Variants in TAF4 observed in about 807,000 individuals in gnomAD.
TAF4 encodes TATA-box binding protein associated factor 4.
In TAF4, 9 loss-of-function variants were observed where a neutral mutation model predicts 90.3. The ratio of observed to expected loss-of-function variants is 0.10; its 90% CI spans 0.06 to 0.17. The LOEUF (loss-of-function observed/expected upper bound fraction) is 0.17, where lower values mean the gene tolerates loss of function less well. Ranked by LOEUF, TAF4 falls within the 10% of genes least tolerant of loss-of-function variation. The pLI, the probability that TAF4 is intolerant of heterozygous loss-of-function variation, is 1.00. For synonymous variants in TAF4, 818 were observed against 638.9 expected, an observed-to-expected ratio of 1.28 and a Z score of -4.23; for missense variants, 1,351 against 1,370.7, an observed-to-expected ratio of 0.99 and a Z score of 0.23.
chr20:62,013,851 C>T (rs892858989), intron 2 of TAF4, among the ~76,000 whole-genome samples: 5 of 151,862 alleles, frequency 3.3e-5, no homozygotes, highest in African/African-American at 4.8e-5. Flanking sequence ...AGTCAGAATC[C>T]GTGCTCCCTA....
rs748709265 is a variant in TAF4, at chr20:62,010,121, C to T, written c.1686G>A (p.Gly562=). The change falls in exon 4 of 15, where the codon GGG becomes GGA. Residue 562 remains glycine, a synonymous_variant. Transcript: ENST00000252996. The surrounding 1 kb of genome is among the most constrained non-coding windows in gnomAD (Gnocchi z 4.5). ...TCCCCGTCTGAACAGCCGTCGCCGT[C>T]CCAAGTGAAGCCGTCTGGGCAGCGC... ...LGGAAQTASL[G]TATAVQTGTP... 2 of 1,613,982 alleles carry T rather than the reference C, an allele frequency of 1.2e-6. No homozygotes were observed. The highest frequency in any genetic ancestry group is 1.7e-6 in the Non-Finnish European group (2 of 1,180,038).
At chr20:62,001,271 G>C (rs2055700532) in intron 9 of TAF4, among the ~76,000 whole-genome samples, 1 of 152,080 alleles carries the variant, frequency 6.6e-6, no homozygotes, top group South Asian at 2.1e-4. Context: ...CTCCCCCGTA[G>C]GACCCGGTCC....
rs760744623 is a variant in TAF4, at chr20:61,976,333, C to A, written c.3093G>T (p.Gly1031=). 9.3e-6 allele frequency: 15 copies of A among 1,613,024 alleles called. No homozygotes were observed. Among genetic ancestry groups the A allele is most frequent in the Non-Finnish European group, 1.1e-5 (13 of 1,179,996 alleles). Residue 1031 remains glycine (G), a splice_region_variant and synonymous_variant, in exon 15 of 15, where the codon GGG becomes GGT. Transcript: ENST00000252996. The part of the protein sequence containing the change: ...DCPGPGSGAE[G]SGPGSVVPGS... Reference sequence around the variant, plus strand: ...CTGGGACCACTGAGCCGGGGCCCGACCCCTGGTGATGAAAAAGGAGAAGAC... The same window carrying A: ...CTGGGACCACTGAGCCGGGGCCCGAACCCTGGTGATGAAAAAGGAGAAGAC...
At chr20:61,989,172 C>A (rs1337120566) in intron 14 of TAF4, among the ~76,000 whole-genome samples, 1 of 152,074 alleles carries the variant, frequency 6.6e-6, no homozygotes, top group East Asian at 1.9e-4. Flanking sequence ...AGGGCGCACA[C>A]CACACACTCC....
intron 1 of TAF4, among the ~76,000 whole-genome samples, chr20:62,030,225 G>A (rs1344317923): frequency 6.6e-6 from 1 of 152,224 alleles, no homozygotes; most frequent in African/African-American, 2.4e-5. Context: ...CAGGAAACTG[G>A]ACACCTGCAT....
At chr20:62,047,862 C>T (rs1182459886) in intron 1 of TAF4, among the ~76,000 whole-genome samples, 2 of 152,202 alleles carry the variant, frequency 1.3e-5, no homozygotes, top group Non-Finnish European at 2.9e-5. Flanking sequence ...CCATGGAAGC[C>T]GCAGGTCTAT....
At position 62,064,651 on chromosome 20, in the gene TAF4, G is replaced by T. The variant is rs776282935; in HGVS notation, c.1160C>A (p.Ala387Asp). Residue 387 changes from alanine (A) to aspartate (D), a missense_variant, in exon 1 of 15, where the codon GCC becomes GAC. By Grantham distance (126) the Ala-to-Asp change is moderately radical (BLOSUM62 -2). This residue lies in a region of TAF4 where 782 missense variants were observed against 536.6 expected (regional missense o/e 1.46). Coordinates refer to ENST00000252996, the MANE Select transcript of TAF4 (RefSeq NM_003185.4). The stretch of plus-strand genomic sequence containing the variant: ...CCCGGGGGCGGGCGGCGGGACGGCG[G>T]CCGGGCTGGGCAGCGCCCCTTGCAT... The part of the protein sequence containing the change: ...PTMQGALPSP[A>D]AVPPPAPGTP... The T allele has an allele frequency of 1.5e-6, 2 of 1,316,464 alleles. No homozygotes were observed. The highest frequency in any genetic ancestry group is 1.9e-6 in the Non-Finnish European group (2 of 1,039,920). 81.5% of individuals were successfully genotyped at this position (1,316,464 alleles called of 1,614,324 possible). A position where few individuals can be genotyped will look rare whatever the true frequency, so the allele number is the denominator to read the frequency against.
chr20:62,036,038 A>ATTTTT, intron 1 of TAF4, among the ~76,000 whole-genome samples: 2 of 150,010 alleles, frequency 1.3e-5, no homozygotes, highest in East Asian at 3.9e-4. Context: ...TTTTTTTAAA[A>ATTTTT]AAAAAAAAGA....
At chr20:62,030,911 A>G (rs961569991) in intron 1 of TAF4, among the ~76,000 whole-genome samples, 4 of 151,986 alleles carry the variant, frequency 2.6e-5, no homozygotes, top group African/African-American at 9.7e-5. Context: ...GGCCTCCTTC[A>G]CCTCTTCTCA....
At chr20:62,009,811 T>C (rs1048612490) in intron 4 of TAF4, among the ~76,000 whole-genome samples, 3 of 152,104 alleles carry the variant, frequency 2.0e-5, no homozygotes, top group African/African-American at 4.8e-5. Flanking sequence ...CAAAGGCAGG[T>C]GTTTGGGCTT....
intron 1 of TAF4, among the ~76,000 whole-genome samples, chr20:62,032,809 C>T (rs1437112287): frequency 6.6e-6 from 1 of 152,166 alleles, no homozygotes; most frequent in Non-Finnish European, 1.5e-5. Context: ...CCAACCAGCA[C>T]ACACTGGGCA....
chr20:62,007,110 A>T (rs923245651), intron 6 of TAF4: 1 of 273,648 alleles, frequency 3.7e-6, no homozygotes, highest in African/African-American at 2.2e-5. Flanking sequence ...AAATATCCTG[A>T]TTCTATCTAT....
intron 1 of TAF4, among the ~76,000 whole-genome samples, chr20:62,054,524 G>A (rs2056049630): frequency 6.6e-6 from 1 of 152,122 alleles, no homozygotes; most frequent in South Asian, 2.1e-4. Flanking sequence ...ACCACATAAG[G>A]CTCTCAGCAA....
intron 1 of TAF4, among the ~76,000 whole-genome samples, chr20:62,043,587 C>T (rs1332928063): frequency 1.3e-5 from 2 of 152,172 alleles, no homozygotes; most frequent in Admixed American, 1.3e-4. Flanking sequence ...CCTGCAAGCG[C>T]CATTCATGGT....
At chr20:62,019,665 C>A (rs1023522354) in intron 1 of TAF4, among the ~76,000 whole-genome samples, 1 of 152,188 alleles carries the variant, frequency 6.6e-6, no homozygotes, top group East Asian at 1.9e-4. Context: ...AGTGCCTCCC[C>A]CAGAGCCTTC....
chr20:62,051,240 C>G (rs541608452), intron 1 of TAF4, among the ~76,000 whole-genome samples: 1 of 152,286 alleles, frequency 6.6e-6, no homozygotes, highest in Admixed American at 6.5e-5. Context: ...GAGGCCCCGG[C>G]CTGCGCCCCA....
chr20:62,048,606 G>A (rs371867893), intron 1 of TAF4, among the ~76,000 whole-genome samples: 3 of 152,000 alleles, frequency 2.0e-5, no homozygotes, highest in Non-Finnish European at 4.4e-5. Context: ...GCCCACCTCC[G>A]TCACCAGGCT....
At position 62,011,826 on chromosome 20, in the gene TAF4, G is replaced by A. The variant is rs28382060; in HGVS notation, c.1641+989C>T. On this transcript the variant is annotated intron_variant, in intron 3 of 14. Coordinates refer to ENST00000252996, the MANE Select transcript of TAF4 (RefSeq NM_003185.4). ...TCATGGCAGGTGCTTCACCAGCAGC[G>A]ACCAACACCATAGAGACCTACGCAT... Among the ~76,000 whole-genome samples the A allele has an allele frequency of 6.5e-3, 991 of 152,284 alleles. 3 individuals carry two copies. The highest frequency in any genetic ancestry group is 9.8e-3 in the Non-Finnish European group (670 of 68,028).
At position 62,065,368 on chromosome 20, in the gene TAF4, G is replaced by GCGGCGA. The variant is rs1267474933; in HGVS notation, c.437_442dup (p.Val146_Ala147dup). ...GCCGGCGGGGGCGGGCTCGGGCCCC[G>GCGGCGA]CGGCGACGGCGGCGGCGGCGGGCAC... On this transcript the variant is annotated inframe_insertion, in exon 1 of 15. Coordinates refer to ENST00000252996, the MANE Select transcript of TAF4 (RefSeq NM_003185.4). The GCGGCGA allele has an allele frequency of 3.1e-6, 3 of 969,574 alleles. No individual in the cohort carries two copies. Among genetic ancestry groups the GCGGCGA allele is most frequent in the African/African-American group, 1.8e-5 (1 of 54,896 alleles). 60.1% of individuals were successfully genotyped at this position (969,574 alleles called of 1,614,324 possible).
Sources: gnomAD v4.1 joint callset for allele counts (sites outside exome capture counted in the v4.1 genomes callset) on GRCh38, gnomAD v4.1.1 for gene constraint, gnomAD v4.1.1 regional missense constraint, Gnocchi (gnomAD v3.1) non-coding constraint, MANE v1.5 for transcripts, NCBI Gene and HGNC (gene_info 2026-07-23, HGNC 2026-07-21) for gene names.